The following KIF25 variants were observed in gnomAD, a reference collection of about 807,000 sequenced individuals.
The protein encoded by KIF25 is kinesin family member 25.
KIF25 carries 19 observed loss-of-function variants against 32.9 expected under a neutral mutation model. The observed-to-expected ratio is 0.58, with a 90% CI of 0.40 to 0.85. The LOEUF is 0.85. Among genes scored for constraint, KIF25 ranks in the 40% least tolerant of loss-of-function variants. The probability of loss-of-function intolerance (pLI) is 0.00; values close to 1 mark genes in which losing one functional copy is unlikely to be tolerated. For synonymous variants in KIF25, 225 were observed against 213.7 expected (o/e 1.05, Z -0.46); for missense variants, 485 against 507.0 (o/e 0.96, Z 0.42).
intron 5 of KIF25, among the ~76,000 whole-genome samples, chr6:168,019,916 C>T (rs965474020): frequency 5.9e-5 from 9 of 152,058 alleles, no homozygotes; most frequent in Non-Finnish European, 8.8e-5. Flanking sequence ...GGGTGGCTCA[C>T]GAGGTCAAGA....
chr6:168,035,470 C>CGGGAACGGCGCTGCGGGGCGGGG (rs1799008239), intron 8 of KIF25, among the ~76,000 whole-genome samples: 1 of 88,126 alleles, frequency 1.1e-5, no homozygotes, highest in Non-Finnish European at 2.3e-5. Context: ...GCGGGGGGGG[C>CGGGAACGGCGCTGCGGGGCGGGG]GGGAACGGTG....
chr6:168,006,773 C>CTCGTTTGT (rs1562380620), intron 4 of KIF25, among the ~76,000 whole-genome samples: 4 of 110,964 alleles, frequency 3.6e-5, no homozygotes, highest in African/African-American at 1.4e-4. Flanking sequence ...TTACCATATG[C>CTCGTTTGT]GGTTCTACAA....
At chr6:168,034,165 T>G in intron 8 of KIF25, 134 bp downstream of exon 8, 1 of 834,476 alleles carries the variant, frequency 1.2e-6, no homozygotes, top group Non-Finnish European at 1.9e-6. Context: ...ATCAGATACA[T>G]TCAACACTAT....
chr6:168,041,339 G>A (rs957429777), intron 10 of KIF25, among the ~76,000 whole-genome samples: 16 of 152,224 alleles, frequency 1.1e-4, no homozygotes, highest in East Asian at 5.8e-4. Flanking sequence ...GCCTTGTACC[G>A]CAGGGGCTGG....
chr6:168,015,077 A>G (rs56080421), intron 4 of KIF25, among the ~76,000 whole-genome samples: 2,619 of 152,292 alleles, frequency 0.017, 77 homozygotes, highest in African/African-American at 0.06. Context: ...CAGAGACTGT[A>G]TGGTCCTTAA....
Position 168,038,619 on chromosome 6 carries a change from T to C in KIF25, c.384T>C (p.Asn128=), listed in dbSNP as rs1030398985. ...VEVSIVEVYN[N]DIFDLLAKDS... ...TCTCCATAGTGGAAGTTTACAATAA[T>C]GACATTTTTGACCTTCTGGCCAAAG... is the stretch of plus-strand genomic sequence containing the variant. Residue 128 remains asparagine, a synonymous_variant, in exon 9 of 13, where the codon AAT becomes AAC. Coordinates refer to ENST00000643607, the MANE Select transcript of KIF25 (RefSeq NM_030615.4). 1.2e-6 allele frequency: 2 copies of C among 1,614,156 alleles called. No homozygotes were observed. The highest frequency in any genetic ancestry group is 1.7e-6 in the Non-Finnish European group (2 of 1,180,024).
chr6:168,014,199 T>G (rs1381078449), intron 4 of KIF25, among the ~76,000 whole-genome samples: 1 of 152,142 alleles, frequency 6.6e-6, no homozygotes, highest in Non-Finnish European at 1.5e-5. Flanking sequence ...GCTTCCCTGT[T>G]TGCATCCTGG....
chr6:168,012,480 C>T (rs973500753), intron 4 of KIF25, among the ~76,000 whole-genome samples: 13 of 152,146 alleles, frequency 8.5e-5, no homozygotes, highest in African/African-American at 2.7e-4. Flanking sequence ...AACAGTGATG[C>T]GGCTTTTCCA....
chr6:168,041,548 T>G (rs572522389), intron 10 of KIF25, among the ~76,000 whole-genome samples: 1 of 152,346 alleles, frequency 6.6e-6, no homozygotes, highest in African/African-American at 2.4e-5. Context: ...AAGAAGTTTG[T>G]TTAGGAATAA....
chr6:168,036,077 C>CCTG, intron 8 of KIF25: 1 of 203,086 alleles, frequency 4.9e-6, no homozygotes, highest in Non-Finnish European at 1.0e-5. Flanking sequence ...AAGGACTACT[C>CCTG]TTAGATTGCT....
At chr6:168,044,086 G>A (rs545203632) in intron 12 of KIF25, among the ~76,000 whole-genome samples, 7 of 152,342 alleles carry the variant, frequency 4.6e-5, no homozygotes, top group South Asian at 2.1e-4. Flanking sequence ...CCCAATTCCC[G>A]GGACACAGGA....
intron 4 of KIF25, among the ~76,000 whole-genome samples, chr6:168,011,346 G>A (rs1439829302): frequency 6.6e-6 from 1 of 152,158 alleles, no homozygotes; most frequent in Non-Finnish European, 1.5e-5. Flanking sequence ...ACTTCCACAT[G>A]TAAGACACCC....
At chr6:168,022,768 GTTTTT>G (rs61060025) in intron 5 of KIF25, among the ~76,000 whole-genome samples, 1 of 121,648 alleles carries the variant, frequency 8.2e-6, no homozygotes. Flanking sequence ...TGTTGTTGTT[GTTTTT>G]TTTTTTTTTT....
intron 5 of KIF25, among the ~76,000 whole-genome samples, chr6:168,022,497 C>T (rs553095080): frequency 7.2e-5 from 11 of 152,276 alleles, no homozygotes; most frequent in African/African-American, 2.6e-4. Context: ...GCAATCATAG[C>T]TCTCTGCAGC....
At chr6:168,041,631 A>G (rs929184106) in intron 10 of KIF25, among the ~76,000 whole-genome samples, 4 of 152,232 alleles carry the variant, frequency 2.6e-5, no homozygotes, top group African/African-American at 4.8e-5. Flanking sequence ...TATCGAACAG[A>G]TTGTAGAATT....
At chr6:168,023,905 C>T (rs927390938) in intron 5 of KIF25, among the ~76,000 whole-genome samples, 1 of 152,200 alleles carries the variant, frequency 6.6e-6, no homozygotes, top group African/African-American at 2.4e-5. Flanking sequence ...ATATTAGAAT[C>T]TGTATAGTCT....
chr6:168,031,263 A>G (rs1463786838), intron 7 of KIF25, among the ~76,000 whole-genome samples: 1 of 152,232 alleles, frequency 6.6e-6, no homozygotes, highest in Non-Finnish European at 1.5e-5. Context: ...GTATACAACT[A>G]CTGATGTCAA....
At chr6:168,033,767 A>T (rs1241580675) in intron 7 of KIF25, 115 bp from the exon 8 acceptor site, 5 of 1,085,584 alleles carry the variant, frequency 4.6e-6, no homozygotes, top group Non-Finnish European at 5.4e-6. Flanking sequence ...AAATGGAGTA[A>T]CAGGAGAATA....
chr6:168,000,310 C>T (rs1798481527), intron 2 of KIF25, among the ~76,000 whole-genome samples: 3 of 131,598 alleles, frequency 2.3e-5, no homozygotes, highest in Admixed American at 7.5e-5. Flanking sequence ...ATCCTGACCA[C>T]ACCTGCCCCT....
Sources: allele counts gnomAD v4.1 joint callset (sites outside exome capture counted in the v4.1 genomes callset), GRCh38; gene constraint gnomAD v4.1.1; transcripts MANE v1.5; gene names NCBI Gene and HGNC (gene_info 2026-07-23, HGNC 2026-07-21).